The following COL4A1 variants were observed in gnomAD, a reference collection of about 807,000 sequenced individuals.
COL4A1 encodes the protein collagen alpha-1(IV) chain.
COL4A1 carries 40 observed loss-of-function variants against 216.6 expected under a neutral mutation model. The ratio of observed to expected loss-of-function variants is 0.18; its 90% CI spans 0.14 to 0.24. COL4A1 has a LOEUF of 0.24. Among genes scored for constraint, COL4A1 ranks in the 10% least tolerant of loss-of-function variants. COL4A1 has a pLI of 1.00. For missense variants in COL4A1, 1,628 were observed against 2,196.8 expected (o/e 0.74, Z 5.18); for synonymous variants, 839 against 810.7 (o/e 1.03, Z -0.59).
At chr13:110,173,323 GGT>G (rs1478347334) in intron 40 of COL4A1, among the ~76,000 whole-genome samples, 1 of 152,110 alleles carries the variant, frequency 6.6e-6, no homozygotes, top group Non-Finnish European at 1.5e-5. Flanking sequence ...GGATGCTCTT[GGT>G]GGTCCTCCCA....
At chr13:110,216,009 T>G (rs1347915195) in intron 2 of COL4A1, among the ~76,000 whole-genome samples, 1 of 152,176 alleles carries the variant, frequency 6.6e-6, no homozygotes, top group African/African-American at 2.4e-5. Flanking sequence ...TGGATAAATA[T>G]GGGAGAGATT....
chr13:110,170,374 TAC>T (rs1877579997), intron 42 of COL4A1, among the ~76,000 whole-genome samples, 171 bp downstream of exon 42: 1 of 152,240 alleles, frequency 6.6e-6, no homozygotes, highest in Non-Finnish European at 1.5e-5. Flanking sequence ...ACAGAAAGGA[TAC>T]AAGAAAAGCT....
At chr13:110,305,449 A>C (rs1294522124) in intron 1 of COL4A1, among the ~76,000 whole-genome samples, 1 of 152,262 alleles carries the variant, frequency 6.6e-6, no homozygotes, top group Non-Finnish European at 1.5e-5. Flanking sequence ...AACATTATCC[A>C]TCAGAAAATC....
chr13:110,208,778 C>G, intron 12 of COL4A1, 71 bp downstream of exon 12: 1 of 1,413,204 alleles, frequency 7.1e-7, no homozygotes, highest in Non-Finnish European at 1.0e-6. Flanking sequence ...GACATTGATC[C>G]AAAGGTGGGA....
intron 1 of COL4A1, among the ~76,000 whole-genome samples, chr13:110,256,291 A>G (rs1882567243): frequency 6.6e-6 from 1 of 152,210 alleles, no homozygotes; most frequent in Admixed American, 6.5e-5. Context: ...CATCAAAAAA[A>G]CTAAATGACT....
At chr13:110,277,953 T>G (rs998291755) in intron 1 of COL4A1, among the ~76,000 whole-genome samples, 1 of 152,244 alleles carries the variant, frequency 6.6e-6, no homozygotes, top group Admixed American at 6.5e-5. Flanking sequence ...TTGCCTTTGA[T>G]GAAAGTTTCT....
At chr13:110,296,958 G>C (rs939185851) in intron 1 of COL4A1, among the ~76,000 whole-genome samples, 2 of 152,178 alleles carry the variant, frequency 1.3e-5, no homozygotes, top group African/African-American at 4.8e-5. Flanking sequence ...TAGGGGAAGG[G>C]GCAGGGCTTC....
intron 1 of COL4A1, among the ~76,000 whole-genome samples, chr13:110,288,213 G>T (rs555950337): frequency 6.6e-6 from 1 of 151,076 alleles, no homozygotes; most frequent in African/African-American, 2.4e-5. Flanking sequence ...GCAGTGAGCC[G>T]AGATCGTGCC....
In COL4A1 at chr13:110,211,609, G is replaced by A. The variant is rs1594585570; in HGVS notation, c.468+38C>T. 23 of 1,599,494 alleles carry A rather than the reference G, an allele frequency of 1.4e-5. No homozygotes were observed. The highest frequency in any genetic ancestry group is 2.0e-5 in the Non-Finnish European group (23 of 1,171,086). Reference sequence around the variant, plus strand: ...GGCACTTGTTGTAAACAGATTCCCTGTAATGAATCCAATAAAGCAAAATAA... The same window carrying A: ...GGCACTTGTTGTAAACAGATTCCCTATAATGAATCCAATAAAGCAAAATAA... On this transcript the variant is annotated intron_variant, in intron 8 of 51. Coordinates refer to ENST00000375820, the MANE Select transcript of COL4A1 (RefSeq NM_001845.6). The surrounding 1 kb of genome is among the most constrained non-coding windows in gnomAD (Gnocchi z 4.3).
chr13:110,159,164 G>A (rs1335585087), intron 49 of COL4A1, among the ~76,000 whole-genome samples: 1 of 152,168 alleles, frequency 6.6e-6, no homozygotes, highest in Admixed American at 6.5e-5. Context: ...GCCTGAAAAC[G>A]TACTTCAGAT....
At chr13:110,267,030 A>T (rs772659515) in intron 1 of COL4A1, among the ~76,000 whole-genome samples, 1 of 152,246 alleles carries the variant, frequency 6.6e-6, no homozygotes, top group Non-Finnish European at 1.5e-5. Flanking sequence ...TCTGCCAGGG[A>T]CCAGCAGCCA....
chr13:110,236,337 A>C (rs1227482789), intron 2 of COL4A1, among the ~76,000 whole-genome samples: 1 of 152,244 alleles, frequency 6.6e-6, no homozygotes, highest in Non-Finnish European at 1.5e-5. Flanking sequence ...TTCCTTACAG[A>C]TAATATTTTT....
chr13:110,270,495 G>T (rs927391487), intron 1 of COL4A1, among the ~76,000 whole-genome samples: 1 of 152,216 alleles, frequency 6.6e-6, no homozygotes, highest in African/African-American at 2.4e-5. Flanking sequence ...TGCTGTTTTA[G>T]GCTTGTATTG....
At chr13:110,158,341 C>A (rs1876891590) in intron 49 of COL4A1, among the ~76,000 whole-genome samples, 1 of 152,230 alleles carries the variant, frequency 6.6e-6, no homozygotes, top group African/African-American at 2.4e-5. Context: ...GGTCCATGGT[C>A]CCACGTGGCA....
Position 110,174,542 on chromosome 13 carries a change from A to G in COL4A1, c.3326-16T>C, listed in dbSNP as rs1877789668. 6.2e-7 allele frequency: 1 copy of G among 1,614,034 alleles called. No individual in the cohort carries two copies. Among genetic ancestry groups the G allele is most frequent in the African/African-American group, 1.3e-5 (1 of 74,912 alleles). Reference sequence around the variant, plus strand: ...CCAGGACTTCCTAAAGAAAAAAACAAAACACCAGAACATCCATAAGTTTGG... The same window carrying G: ...CCAGGACTTCCTAAAGAAAAAAACAGAACACCAGAACATCCATAAGTTTGG... On this transcript the variant is annotated splice_polypyrimidine_tract_variant and intron_variant, in intron 38 of 51. Transcript: ENST00000375820.
chr13:110,206,986 T>G lies in COL4A1; in HGVS notation c.781-95A>C, dbSNP rs1161554139. The G allele has an allele frequency of 3.1e-6, 4 of 1,281,662 alleles. No homozygotes were observed. The African/African-American group carries it at 4.5e-5, about 14-fold the overall frequency. The allele number at this position is 1,281,662 out of a possible 1,614,324, so 79.4% of individuals were successfully genotyped here. On this transcript the variant is annotated intron_variant, in intron 13 of 51. Transcript: ENST00000375820. ...ACACAGCAGAAAAAAAAAAAACCTT[T>G]TTCTGATATATTAACAAAGAAATTC... is the stretch of plus-strand genomic sequence containing the variant.
chr13:110,302,332 G>C (rs1057117047), intron 1 of COL4A1, among the ~76,000 whole-genome samples: 36 of 151,920 alleles, frequency 2.4e-4, no homozygotes, highest in Non-Finnish European at 4.7e-4. Context: ...ATCAAAGCAA[G>C]ACAGCCAAGG....
intron 2 of COL4A1, among the ~76,000 whole-genome samples, chr13:110,234,808 C>T (rs1881232184): frequency 6.6e-6 from 1 of 151,888 alleles, no homozygotes; most frequent in Admixed American, 6.5e-5. Context: ...CTGTTGACAT[C>T]CTAAAGATGG....
intron 1 of COL4A1, among the ~76,000 whole-genome samples, chr13:110,249,679 G>C (rs1038214427): frequency 9.9e-5 from 15 of 152,216 alleles, no homozygotes; most frequent in African/African-American, 2.9e-4. Context: ...GTTCACTTTG[G>C]GGAAAATGCA....
Sources: gnomAD v4.1 joint callset for allele counts (sites outside exome capture counted in the v4.1 genomes callset) on GRCh38, gnomAD v4.1.1 for gene constraint, Gnocchi (gnomAD v3.1) non-coding constraint, MANE v1.5 for transcripts, NCBI Gene and HGNC (gene_info 2026-07-23, HGNC 2026-07-21) for gene names.